Variants in STEAP1B observed in about 807,000 individuals in gnomAD.
STEAP1B encodes STEAP family protein MGC87042.
A neutral mutation model predicts 27.9 loss-of-function variants in STEAP1B; 13 were observed. That is an observed-to-expected ratio of 0.47 (90% confidence interval 0.30 to 0.74). The LOEUF (loss-of-function observed/expected upper bound fraction) is 0.74, where lower values mean the gene tolerates loss of function less well. STEAP1B is among the 30% of genes least tolerant of loss of function. STEAP1B has a pLI of 0.06. For missense variants in STEAP1B, 250 were observed against 298.7 expected (o/e 0.84, Z 1.20); for synonymous variants, 86 against 107.1 (o/e 0.80, Z 1.22).
At chr7:22,443,619 G>A (rs774365108) in intron 4 of STEAP1B, among the ~76,000 whole-genome samples, 119 of 152,236 alleles carry the variant, frequency 7.8e-4, no homozygotes, top group South Asian at 1.5e-3. Context: ...CATAACTTCC[G>A]CCACTGCTAT....
rs754445151 is a variant in STEAP1B at position 22,494,780 on chromosome 7, C to T, written c.76G>A (p.Asp26Asn). The change falls in exon 2 of 5, where the codon GAT becomes AAT. Residue 26 changes from aspartate to asparagine, a missense_variant. Asp to Asn is a conservative substitution (Grantham distance 23, BLOSUM62 1). Coordinates refer to ENST00000678116, the MANE Select transcript of STEAP1B (RefSeq NM_001382447.1). ...MKPRRNLEDN[D>N]YLHEDTGETS... ...CATTATTAATATTTTACCAAATAAT[C>T]GTTGTCTTCTAAATTTCTCCTAGGC... 6.5e-6 allele frequency: 10 copies of T among 1,533,894 alleles called. No homozygotes were observed. Among genetic ancestry groups the T allele is most frequent in the South Asian group, 1.2e-5 (1 of 82,194 alleles).
chr7:22,423,365 C>A (rs1208395674), intron 4 of STEAP1B, among the ~76,000 whole-genome samples: 1 of 152,132 alleles, frequency 6.6e-6, no homozygotes, highest in East Asian at 1.9e-4. Flanking sequence ...GCAAACAACC[C>A]AAATGCCCAT....
intron 4 of STEAP1B, among the ~76,000 whole-genome samples, chr7:22,491,473 A>T (rs540053660): frequency 2.3e-4 from 35 of 152,328 alleles, no homozygotes; most frequent in African/African-American, 7.9e-4. Context: ...TGAGAGCGAA[A>T]GGGAGAGAAA....
intron 4 of STEAP1B, among the ~76,000 whole-genome samples, chr7:22,429,190 G>A (rs931235118): frequency 1.3e-5 from 2 of 152,204 alleles, no homozygotes; most frequent in Admixed American, 6.5e-5. Flanking sequence ...ATACCCTGGA[G>A]AAACTCTTTT....
intron 4 of STEAP1B, among the ~76,000 whole-genome samples, chr7:22,429,189 A>C (rs921161052): frequency 1.3e-5 from 2 of 152,232 alleles, no homozygotes; most frequent in Admixed American, 6.5e-5. Context: ...TATACCCTGG[A>C]GAAACTCTTT....
intron 4 of STEAP1B, among the ~76,000 whole-genome samples, chr7:22,435,269 G>A (rs1000615866): frequency 5.3e-5 from 8 of 152,032 alleles, no homozygotes; most frequent in African/African-American, 1.7e-4. Context: ...AAACGAGCCT[G>A]TTAGACACAG....
chr7:22,499,812 C>A (rs887058744), intron 1 of STEAP1B, among the ~76,000 whole-genome samples: 1 of 152,210 alleles, frequency 6.6e-6, no homozygotes, highest in African/African-American at 2.4e-5. Context: ...CCAACCTGAG[C>A]ACAAACTTAA....
chr7:22,432,071 C>A (rs1164268538), intron 4 of STEAP1B, among the ~76,000 whole-genome samples: 5 of 152,132 alleles, frequency 3.3e-5, no homozygotes, highest in African/African-American at 9.7e-5. Flanking sequence ...ATGGGTAGAA[C>A]CTTCATCAGT....
intron 4 of STEAP1B, among the ~76,000 whole-genome samples, chr7:22,453,651 T>C (rs957160832): frequency 2.6e-5 from 4 of 152,240 alleles, no homozygotes; most frequent in African/African-American, 9.6e-5. Flanking sequence ...CAACCTTTGA[T>C]CAAAACACAA....
intron 4 of STEAP1B, among the ~76,000 whole-genome samples, chr7:22,467,502 C>T (rs1785805333): frequency 6.6e-6 from 1 of 152,180 alleles, no homozygotes; most frequent in Admixed American, 6.5e-5. Context: ...ACCCAAATCT[C>T]ATCTCAAATT....
intron 2 of STEAP1B, among the ~76,000 whole-genome samples, chr7:22,494,548 C>T (rs1378178033): frequency 6.6e-6 from 1 of 151,760 alleles, no homozygotes; most frequent in African/African-American, 2.4e-5. Context: ...TTTTCAGTAA[C>T]GTATTCAAGG....
In STEAP1B at chr7:22,431,479, G is replaced by A. The variant is rs145354825; in HGVS notation, c.763-11643C>T. 4.6e-5 allele frequency among the ~76,000 whole-genome samples: 7 copies of A among 152,336 alleles called. No homozygotes were observed. In the East Asian group the frequency reaches 1.3e-3, roughly 29 times the overall value. The stretch of plus-strand genomic sequence containing the variant: ...TCTAAACCAAGCGCTGTGGCCTGGC[G>A]ATGAAGTATGTTGATTGAAGATCAG... On this transcript the variant is annotated intron_variant, in intron 4 of 4. Transcript: ENST00000678116.
intron 4 of STEAP1B, among the ~76,000 whole-genome samples, chr7:22,444,424 T>A (rs373856378): frequency 1.1e-4 from 16 of 149,708 alleles, no homozygotes; most frequent in South Asian, 2.1e-4. Flanking sequence ...TTCCCTGTTT[T>A]AAAAAAAAAA....
chr7:22,471,559 C>T (rs1424017359), intron 4 of STEAP1B, among the ~76,000 whole-genome samples: 1 of 152,128 alleles, frequency 6.6e-6, no homozygotes, highest in Non-Finnish European at 1.5e-5. Flanking sequence ...AAATAGACTG[C>T]TCCTGATTTT....
At chr7:22,450,639 T>A (rs1379113551) in intron 4 of STEAP1B, among the ~76,000 whole-genome samples, 4 of 151,536 alleles carry the variant, frequency 2.6e-5, no homozygotes, top group Non-Finnish European at 5.9e-5. Context: ...GCCATGGGTC[T>A]TTTGTGGTTC....
chr7:22,420,555 C>G (rs1260638867), intron 4 of STEAP1B, among the ~76,000 whole-genome samples: 1 of 152,234 alleles, frequency 6.6e-6, no homozygotes, highest in African/African-American at 2.4e-5. Context: ...ACAAATCCGG[C>G]TTTGTTCTTC....
chr7:22,455,809 T>C (rs1315933862), intron 4 of STEAP1B, among the ~76,000 whole-genome samples: 2 of 152,204 alleles, frequency 1.3e-5, no homozygotes, highest in African/African-American at 4.8e-5. Flanking sequence ...TTGGAATTCA[T>C]CTGTGCACTT....
At chr7:22,491,670 T>C (rs1786324326) in intron 4 of STEAP1B, among the ~76,000 whole-genome samples, 1 of 152,176 alleles carries the variant, frequency 6.6e-6, no homozygotes, top group African/African-American at 2.4e-5. Flanking sequence ...AGTGAGTAAA[T>C]TGACTTTTTT....
At chr7:22,440,935 AT>A (rs759417440) in intron 4 of STEAP1B, among the ~76,000 whole-genome samples, 8 of 150,662 alleles carry the variant, frequency 5.3e-5, no homozygotes, top group Non-Finnish European at 1.2e-4. Flanking sequence ...TTAATATTCT[AT>A]TTTAAAAAGT....
Sources: allele counts gnomAD v4.1 joint callset (sites outside exome capture counted in the v4.1 genomes callset), GRCh38; gene constraint gnomAD v4.1.1; transcripts MANE v1.5; gene names NCBI Gene and HGNC (gene_info 2026-07-23, HGNC 2026-07-21).